The following CHODL variants were observed in gnomAD, a reference collection of about 807,000 sequenced individuals.
CHODL encodes the protein transmembrane protein MT75.
A neutral mutation model predicts 34.5 loss-of-function variants in CHODL; 29 were observed. The observed-to-expected ratio is 0.84, with a 90% confidence interval of 0.63 to 1.15. The LOEUF is 1.15. Among genes scored for constraint, CHODL ranks in the 50% most tolerant of loss-of-function variants. CHODL has a pLI of 0.00. For missense variants in CHODL, 332 were observed against 332.5 expected, an observed-to-expected ratio of 1.00 and a Z score of 0.01; for synonymous variants, 125 against 116.1, an observed-to-expected ratio of 1.08 and a Z score of -0.49.
At chr21:18,038,250 C>T (rs550359043) in intron 2 of CHODL, among the ~76,000 whole-genome samples, 4 of 151,698 alleles carry the variant, frequency 2.6e-5, no homozygotes, top group East Asian at 3.9e-4. Context: ...GTGTCTTTTA[C>T]GTTTCTGAGC....
chr21:17,951,535 G>GAC (rs1448564762), intron 1 of CHODL, among the ~76,000 whole-genome samples: 3 of 145,558 alleles, frequency 2.1e-5, no homozygotes, highest in South Asian at 2.4e-4. Context: ...CACACAAACA[G>GAC]ACACACACAC....
At chr21:18,025,917 T>C (rs1303603556) in intron 1 of CHODL, among the ~76,000 whole-genome samples, 1 of 152,202 alleles carries the variant, frequency 6.6e-6, no homozygotes, top group African/African-American at 2.4e-5. Flanking sequence ...GACCTCATTG[T>C]AACTTAAATA....
At chr21:18,008,113 T>A (rs1359267991) in intron 1 of CHODL, among the ~76,000 whole-genome samples, 1 of 152,130 alleles carries the variant, frequency 6.6e-6, no homozygotes, top group Non-Finnish European at 1.5e-5. Context: ...ACTTTTTTTT[T>A]ACTGTGGTGA....
intron 2 of CHODL, among the ~76,000 whole-genome samples, chr21:18,238,615 T>C (rs1421048780): frequency 6.6e-6 from 1 of 151,664 alleles, no homozygotes. Flanking sequence ...CAGGGAGGGG[T>C]TGCTGTGGAT....
At chr21:17,928,790 A>G (rs2063248101) in intron 1 of CHODL, among the ~76,000 whole-genome samples, 1 of 152,234 alleles carries the variant, frequency 6.6e-6, no homozygotes, top group Non-Finnish European at 1.5e-5. Context: ...TGGTGGGACC[A>G]GTTTACTTCT....
At chr21:18,086,176 A>G (rs1378970882) in intron 2 of CHODL, among the ~76,000 whole-genome samples, 8 of 150,478 alleles carry the variant, frequency 5.3e-5, no homozygotes, top group Non-Finnish European at 8.9e-5. Flanking sequence ...ATTTCTTTCA[A>G]TGAATTTATT....
chr21:17,937,081 C>CA (rs71189570), intron 1 of CHODL, among the ~76,000 whole-genome samples: 1,813 of 94,612 alleles, frequency 0.019, 36 homozygotes, highest in African/African-American at 0.041. Flanking sequence ...GACTCCATCT[C>CA]AAAAAAAAAA....
chr21:18,265,340 C>G (rs907070477), intron 5 of CHODL, among the ~76,000 whole-genome samples: 3 of 150,234 alleles, frequency 2.0e-5, no homozygotes, highest in African/African-American at 7.4e-5. Flanking sequence ...TACTACTCAT[C>G]CATACAAAGG....
intron 1 of CHODL, among the ~76,000 whole-genome samples, chr21:17,924,982 T>A (rs887167860): frequency 6.6e-6 from 1 of 152,170 alleles, no homozygotes; most frequent in Admixed American, 6.5e-5. Flanking sequence ...GGAATCAGGA[T>A]TAAGACATTC....
chr21:18,052,024 T>C (rs1187938253), intron 2 of CHODL, among the ~76,000 whole-genome samples: 1 of 151,942 alleles, frequency 6.6e-6, no homozygotes, highest in Non-Finnish European at 1.5e-5. Context: ...AAAATCAGAT[T>C]AGCTGTTTTG....
At chr21:18,235,222 A>G (rs560041843) in intron 2 of CHODL, among the ~76,000 whole-genome samples, 68 of 152,200 alleles carry the variant, frequency 4.5e-4, no homozygotes, top group Middle Eastern at 3.4e-3. Flanking sequence ...TTTGTTCTGT[A>G]GTCTAGAGTG....
intron 2 of CHODL, among the ~76,000 whole-genome samples, chr21:18,130,963 C>G (rs1186083131): frequency 1.3e-5 from 2 of 152,078 alleles, no homozygotes; most frequent in African/African-American, 4.8e-5. Context: ...GTGGCTTAAA[C>G]AACAGAAATT....
At chr21:18,241,597 G>A (rs575966860), upstream of CHODL, among the ~76,000 whole-genome samples, 12 of 152,276 alleles carry the variant, frequency 7.9e-5, no homozygotes, top group South Asian at 1.9e-3. Flanking sequence ...CATGTGAAGA[G>A]CCACTGAGTG....
intron 2 of CHODL, among the ~76,000 whole-genome samples, chr21:18,150,604 T>C (rs1255251881): frequency 6.6e-6 from 1 of 152,112 alleles, no homozygotes; most frequent in Non-Finnish European, 1.5e-5. Context: ...TGATGTCCCT[T>C]GTATAAGGGC....
At chr21:18,246,425 T>A (rs1255193674) in intron 1 of CHODL, among the ~76,000 whole-genome samples, 2 of 152,294 alleles carry the variant, frequency 1.3e-5, no homozygotes, top group East Asian at 1.9e-4. Flanking sequence ...CATTGGCATA[T>A]TAAGCTTAAT....
intron 4 of CHODL, among the ~76,000 whole-genome samples, chr21:18,261,059 C>T (rs900259864): frequency 6.6e-6 from 1 of 152,098 alleles, no homozygotes; most frequent in African/African-American, 2.4e-5. Context: ...TACCCTATTG[C>T]TCATGAGTTT....
At chr21:18,162,411 T>TTCTC (rs58978469) in intron 2 of CHODL, among the ~76,000 whole-genome samples, 16,565 of 147,722 alleles carry the variant, frequency 0.11, 1,082 homozygotes, top group East Asian at 0.15. Context: ...ACGTGGTGTT[T>TTCTC]TCTCTCTCTC....
intron 2 of CHODL, among the ~76,000 whole-genome samples, chr21:18,149,004 C>T (rs1280218973): frequency 6.6e-6 from 1 of 151,984 alleles, no homozygotes; most frequent in South Asian, 2.1e-4. Context: ...ACTGGCCTTC[C>T]TGCTTTCTAA....
At chr21:18,142,850 TTGAC>T (rs1407535068) in intron 2 of CHODL, among the ~76,000 whole-genome samples, 2 of 152,284 alleles carry the variant, frequency 1.3e-5, no homozygotes, top group Non-Finnish European at 2.9e-5. Context: ...AGTTGACTGA[TTGAC>T]TGGGATCTAC....
Sources: allele counts gnomAD v4.1 joint callset (sites outside exome capture counted in the v4.1 genomes callset), GRCh38; gene constraint gnomAD v4.1.1; transcripts MANE v1.5; gene names NCBI Gene and HGNC (gene_info 2026-07-23, HGNC 2026-07-21).